SVIL: variants seen among roughly 807,000 people sequenced by gnomAD.
SVIL encodes archvillin.
A neutral mutation model predicts 240.4 loss-of-function variants in SVIL; 101 were observed. That is an observed-to-expected ratio of 0.42 (90% CI 0.36 to 0.50). SVIL has a LOEUF of 0.50. Among genes scored for constraint, SVIL ranks in the 20% least tolerant of loss-of-function variants. The probability of loss-of-function intolerance (pLI) is 0.01; values close to 1 mark genes in which losing one functional copy is unlikely to be tolerated. For missense variants in SVIL, 2,512 were observed against 2,818.7 expected, an observed-to-expected ratio of 0.89 and a Z score of 2.46; for synonymous variants, 999 against 1,100.0, an observed-to-expected ratio of 0.91 and a Z score of 1.82.
intron 3 of SVIL, chr10:29,643,859 C>T (rs1245605409): frequency 7.3e-6 from 3 of 410,342 alleles, no homozygotes; most frequent in Non-Finnish European, 1.5e-5. Flanking sequence ...TGTAGCAGAG[C>T]TCAACACAAA....
chr10:29,494,764 TC>T, intron 20 of SVIL, 149 bp downstream of exon 20: 1 of 718,284 alleles, frequency 1.4e-6, no homozygotes, highest in Non-Finnish European at 2.4e-6. Flanking sequence ...TTATTGGGAG[TC>T]CCCAATTTAG....
At chr10:29,489,777 G>T (rs1406176262) in intron 22 of SVIL, among the ~76,000 whole-genome samples, 2 of 152,024 alleles carry the variant, frequency 1.3e-5, no homozygotes, top group Non-Finnish European at 2.9e-5. Context: ...CAGACTCCTG[G>T]GCTCAAGTGA....
chr10:29,511,587 C>T (rs1949841765), intron 17 of SVIL, among the ~76,000 whole-genome samples: 2 of 152,240 alleles, frequency 1.3e-5, no homozygotes. Context: ...TTCAGGATCA[C>T]ATTTTTGAAA....
chr10:29,522,145 A>G (rs1564564653), intron 16 of SVIL, among the ~76,000 whole-genome samples: 1 of 152,134 alleles, frequency 6.6e-6, no homozygotes, highest in Non-Finnish European at 1.5e-5. Flanking sequence ...TAAATAAAAC[A>G]GAAGTCTGTT....
upstream of SVIL, chr10:29,736,557 C>A (rs1316261328): frequency 6.6e-6 from 1 of 152,378 alleles, no homozygotes; most frequent in Non-Finnish European, 1.5e-5. Context: ...AGGCTGTCCC[C>A]TGAGGACCTG....
chr10:29,709,312 T>C (rs941099180), intron 1 of SVIL, among the ~76,000 whole-genome samples: 1 of 152,198 alleles, frequency 6.6e-6, no homozygotes, highest in Non-Finnish European at 1.5e-5. Context: ...TGTCGTGTCA[T>C]GTTGGCACTC....
At chr10:29,635,868 G>A (rs1958293067), upstream of SVIL, among the ~76,000 whole-genome samples, 1 of 152,128 alleles carries the variant, frequency 6.6e-6, no homozygotes, top group African/African-American at 2.4e-5. Context: ...TGTGCTGCGC[G>A]GGGCCTCCCA....
intron 2 of SVIL, among the ~76,000 whole-genome samples, chr10:29,567,936 G>A (rs1373534308): frequency 6.6e-6 from 1 of 150,986 alleles, no homozygotes; most frequent in African/African-American, 2.4e-5. Flanking sequence ...AGAATGGCGT[G>A]AACCCAGGAG....
At position 29,692,995 on chromosome 10, in the gene SVIL, T is replaced by G. The variant is rs1287626630; in HGVS notation, c.-399-6344A>C. 5.3e-5 allele frequency among the ~76,000 whole-genome samples: 8 copies of G among 152,260 alleles called. No individual in the cohort carries two copies. In the East Asian group the frequency reaches 1.5e-3, roughly 29 times the overall value. On this transcript the variant is annotated intron_variant, in intron 1 of 35. Coordinates refer to the SVIL transcript ENST00000375400. ...GAACGCTAAGCTTGTGGGAGTTATT[T>G]ATATCCCACCCCTCAAGGTCATCGC... is the stretch of plus-strand genomic sequence containing the variant.
At chr10:29,711,928 GAATGATA>G (rs1225724548) in intron 1 of SVIL, 3 of 146,132 alleles carry the variant, frequency 2.1e-5, no homozygotes, top group African/African-American at 4.9e-5. Flanking sequence ...ACTAAAATTG[GAATGATA>G]TACTAAAATT....
chr10:29,617,688 C>A (rs1564705808), intron 1 of SVIL, among the ~76,000 whole-genome samples: 1 of 152,088 alleles, frequency 6.6e-6, no homozygotes, highest in Non-Finnish European at 1.5e-5. Flanking sequence ...TTGGAAGCAT[C>A]CTTACGAGGT....
chr10:29,563,379 G>A (rs914419188), intron 2 of SVIL, 87 bp from the exon 3 acceptor site: 123 of 462,732 alleles, frequency 2.7e-4, no homozygotes, highest in African/African-American at 2.5e-3. Flanking sequence ...TTATGATATT[G>A]TTACACATCA....
At chr10:29,515,391 T>A (rs568363786) in intron 16 of SVIL, among the ~76,000 whole-genome samples, 1 of 152,344 alleles carries the variant, frequency 6.6e-6, no homozygotes, top group East Asian at 1.9e-4. Flanking sequence ...TTTATCCTAA[T>A]AAAATAATCT....
intron 12 of SVIL, among the ~76,000 whole-genome samples, chr10:29,527,724 C>T (rs186231307): frequency 0.015 from 1,542 of 99,892 alleles, 39 homozygotes; most frequent in African/African-American, 0.055. Flanking sequence ...TGGGCCCAGC[C>T]TTTTTTTTTT....
intron 3 of SVIL, among the ~76,000 whole-genome samples, chr10:29,561,642 C>A (rs951313254): frequency 1.3e-5 from 2 of 150,518 alleles, no homozygotes; most frequent in African/African-American, 4.9e-5. Flanking sequence ...GCCATTCCAT[C>A]TGACAGCCGT....
chr10:29,690,144 T>A (rs1961392158), intron 1 of SVIL, among the ~76,000 whole-genome samples: 1 of 152,196 alleles, frequency 6.6e-6, no homozygotes, highest in Admixed American at 6.5e-5. Flanking sequence ...ATATAAAAAG[T>A]ACCAAAATGT....
chr10:29,579,458 CAAAACAA>C lies in SVIL; in HGVS notation c.-200-10153_-200-10147del, dbSNP rs555682682. Among the ~76,000 whole-genome samples, 257 of 151,444 alleles carry C rather than the reference CAAAACAA, an allele frequency of 1.7e-3. 3 individuals are homozygous for C. Among genetic ancestry groups the C allele is most frequent in the Middle Eastern group, 0.01 (3 of 288 alleles). On this transcript the variant is annotated intron_variant, in intron 1 of 37. Transcript: ENST00000355867. Reference sequence around the variant, plus strand: ...GTCTCAAAAAAACAAAACAAACAAACAAAACAAAAAACAAAAAACAAAAACGGGGACA... The same window carrying C: ...GTCTCAAAAAAACAAAACAAACAAACAAAACAAAAAACAAAAACGGGGACA...
chr10:29,584,773 C>T (rs1054460066), intron 1 of SVIL, among the ~76,000 whole-genome samples: 3 of 152,172 alleles, frequency 2.0e-5, no homozygotes, highest in African/African-American at 7.2e-5. Context: ...GAAGGGAGGC[C>T]GTGGACAGCC....
At chr10:29,556,476 T>G (rs983220222) in intron 3 of SVIL, among the ~76,000 whole-genome samples, 1 of 152,202 alleles carries the variant, frequency 6.6e-6, no homozygotes, top group African/African-American at 2.4e-5. Flanking sequence ...AGTTTTATAT[T>G]GCCCTTTGTG....
Sources: gnomAD v4.1 joint callset for allele counts (sites outside exome capture counted in the v4.1 genomes callset) on GRCh38, gnomAD v4.1.1 for gene constraint, MANE v1.5 for transcripts, NCBI Gene and HGNC (gene_info 2026-07-23, HGNC 2026-07-21) for gene names.